C19orf81: variants seen among roughly 807,000 people sequenced by gnomAD.
The protein encoded by C19orf81 is putative uncharacterized protein C19orf81.
A neutral mutation model predicts 22.1 loss-of-function variants in C19orf81; 19 were observed. The ratio of observed to expected loss-of-function variants is 0.86; its 90% confidence interval spans 0.60 to 1.26. The LOEUF is 1.26. C19orf81 is among the 50% of genes most tolerant of loss of function. The probability of loss-of-function intolerance (pLI) is 0.00; values close to 1 mark genes in which losing one functional copy is unlikely to be tolerated. For missense variants in C19orf81, 287 were observed against 280.7 expected, an observed-to-expected ratio of 1.02 and a Z score of -0.16; for synonymous variants, 108 against 113.1, an observed-to-expected ratio of 0.95 and a Z score of 0.29.
chr19:50,655,541 C>G (rs559111343), intron 1 of C19orf81, among the ~76,000 whole-genome samples: 3 of 151,678 alleles, frequency 2.0e-5, no homozygotes, highest in Non-Finnish European at 4.4e-5. Context: ...CTCAGCTACT[C>G]GGGAGGCTGA....
chr19:50,653,682 GCACACACACACACACACACACACACACA>G (rs57915687), intron 1 of C19orf81, among the ~76,000 whole-genome samples: 75 of 121,922 alleles, frequency 6.2e-4, no homozygotes, highest in East Asian at 1.1e-3. Context: ...ATGAGAGACA[GCACACACACACACACACACACACACACA>G]CACACACACA....
chr19:50,652,966 T>G (rs1320990267), intron 1 of C19orf81, among the ~76,000 whole-genome samples: 1 of 152,202 alleles, frequency 6.6e-6, no homozygotes, highest in Non-Finnish European at 1.5e-5. Flanking sequence ...GTGCTTCTGT[T>G]TCATCATGTG....
At chr19:50,649,750 T>C (rs931934054) in intron 1 of C19orf81, 4 of 637,172 alleles carry the variant, frequency 6.3e-6, no homozygotes, top group African/African-American at 5.4e-5. Context: ...ACATTTCCCA[T>C]GAGCCTCTGG....
At chr19:50,651,489 T>C (rs1984878102) in intron 1 of C19orf81, among the ~76,000 whole-genome samples, 1 of 152,170 alleles carries the variant, frequency 6.6e-6, no homozygotes, top group Non-Finnish European at 1.5e-5. Context: ...TATCTGAGAG[T>C]TCTGAAAGGG....
chr19:50,653,321 G>C (rs1984918033), intron 1 of C19orf81, among the ~76,000 whole-genome samples: 1 of 152,174 alleles, frequency 6.6e-6, no homozygotes, highest in Admixed American at 6.5e-5. Flanking sequence ...TTACAGGCGT[G>C]AGCTACTGTG....
At chr19:50,650,946 A>C (rs1984865893) in intron 1 of C19orf81, among the ~76,000 whole-genome samples, 1 of 152,218 alleles carries the variant, frequency 6.6e-6, no homozygotes, top group Non-Finnish European at 1.5e-5. Flanking sequence ...AGTCAAGTGG[A>C]GTTGAGTCGA....
chr19:50,649,679 C>A (rs574066852), intron 1 of C19orf81, 168 bp downstream of exon 1: 2 of 765,522 alleles, frequency 2.6e-6, no homozygotes, highest in South Asian at 1.5e-5. Flanking sequence ...CCCCTTGGAC[C>A]TCAAACTACA....
At chr19:50,650,392 T>G (rs1336046299) in intron 1 of C19orf81, among the ~76,000 whole-genome samples, 1 of 152,206 alleles carries the variant, frequency 6.6e-6, no homozygotes, top group Non-Finnish European at 1.5e-5. Context: ...AACTCAGGAC[T>G]GGGTGTGGTG....
At chr19:50,653,674 G>T (rs1234609217) in intron 1 of C19orf81, among the ~76,000 whole-genome samples, 1 of 134,324 alleles carries the variant, frequency 7.4e-6, no homozygotes, top group Non-Finnish European at 1.6e-5. Context: ...TTATTGTAAT[G>T]AGAGACAGCA....
chr19:50,650,228 G>A (rs1473845220), intron 1 of C19orf81, among the ~76,000 whole-genome samples: 1 of 152,052 alleles, frequency 6.6e-6, no homozygotes, highest in Non-Finnish European at 1.5e-5. Context: ...GAGGCCCTGT[G>A]TGGTCTGACC....
At chr19:50,656,889 T>C (rs1985005286) in intron 3 of C19orf81, among the ~76,000 whole-genome samples, 2 of 148,876 alleles carry the variant, frequency 1.3e-5, no homozygotes, top group South Asian at 2.1e-4. Context: ...GAGGTGGAGG[T>C]TGCAGTGAGC....
chr19:50,654,801 A>AC (rs1350377147), intron 1 of C19orf81, among the ~76,000 whole-genome samples: 1 of 151,276 alleles, frequency 6.6e-6, no homozygotes, highest in African/African-American at 2.4e-5. Flanking sequence ...AGATAATTAA[A>AC]AATTTTTTTT....
intron 4 of C19orf81, 80 bp downstream of exon 4, chr19:50,658,208 T>C (rs1383870845): frequency 1.0e-5 from 14 of 1,350,796 alleles, no homozygotes; most frequent in African/African-American, 1.7e-5. Context: ...CGTGGTTGGT[T>C]TTAGAGCGCT....
At chr19:50,650,595 C>T (rs1195740897) in intron 1 of C19orf81, among the ~76,000 whole-genome samples, 2 of 152,154 alleles carry the variant, frequency 1.3e-5, no homozygotes, top group Non-Finnish European at 2.9e-5. Flanking sequence ...CGCTTGAACC[C>T]AGGAGGCAGA....
chr19:50,649,941 A>G, intron 1 of C19orf81: 1 of 431,214 alleles, frequency 2.3e-6, no homozygotes, highest in South Asian at 1.7e-5. Context: ...ATTCCCTCCC[A>G]CAGCCCATCA....
intron 1 of C19orf81, among the ~76,000 whole-genome samples, chr19:50,655,035 G>C (rs1277165372): frequency 6.6e-6 from 1 of 152,162 alleles, no homozygotes; most frequent in African/African-American, 2.4e-5. Context: ...CAGAGTCCAA[G>C]AAAAGCAGTA....
At chr19:50,651,624 G>C (rs1984880533) in intron 1 of C19orf81, among the ~76,000 whole-genome samples, 1 of 151,738 alleles carries the variant, frequency 6.6e-6, no homozygotes, top group Non-Finnish European at 1.5e-5. Context: ...GATCCCTTAA[G>C]CCCAGGAGTT....
chr19:50,659,124 G>A lies in C19orf81; in HGVS notation c.579G>A (p.Glu193=). ...GCATGCTCGAGGCCCTGGGGGCGGA[G>A]CCGAACGAGGAGGCCTGACGCCCGG... The part of the protein sequence containing the change: ...RRRMLEALGA[E]PNEEA The change falls in exon 5 of 5, where the codon GAG becomes GAA. Residue 193 remains glutamate (E), a synonymous_variant. Coordinates refer to ENST00000425202, the MANE Select transcript of C19orf81 (RefSeq NM_001195076.2). The A allele has an allele frequency of 7.0e-7, 1 of 1,425,788 alleles. No individual in the cohort carries two copies. The highest frequency in any genetic ancestry group is 9.2e-7 in the Non-Finnish European group (1 of 1,089,574). The allele number at this position is 1,425,788 out of a possible 1,614,324, so 88.3% of individuals were successfully genotyped here.
In C19orf81 at chr19:50,649,477, T is replaced by G. The variant is rs933285573; in HGVS notation, c.33T>G (p.Pro11=). The G allele has an allele frequency of 1.3e-6, 2 of 1,536,110 alleles. No homozygotes were observed. Among genetic ancestry groups the G allele is most frequent in the African/African-American group, 2.7e-5 (2 of 73,006 alleles). MQPEVEPVCF[P]AMGSPTMHRK... ...CAGAGGTGGAGCCCGTGTGCTTCCCTGCCATGGGCAGCCCCACCATGCACA... is the reference window on the plus strand; with the variant it reads ...CAGAGGTGGAGCCCGTGTGCTTCCCGGCCATGGGCAGCCCCACCATGCACA... Residue 11 remains proline, a synonymous_variant, in exon 1 of 5, where the codon CCT becomes CCG. Transcript: ENST00000425202.
Sources: allele counts gnomAD v4.1 joint callset (sites outside exome capture counted in the v4.1 genomes callset), GRCh38; gene constraint gnomAD v4.1.1; transcripts MANE v1.5; gene names NCBI Gene and HGNC (gene_info 2026-07-23, HGNC 2026-07-21).